PHLPP1: variants seen among roughly 807,000 people sequenced by gnomAD.
PHLPP1 encodes the protein PH domain and leucine rich repeat protein phosphatase 1, also known as PH domain leucine-rich repeat-containing protein phosphatase 1.
PHLPP1 carries 42 observed loss-of-function variants against 117.2 expected under a neutral mutation model. The ratio of observed to expected loss-of-function variants is 0.36; its 90% CI spans 0.28 to 0.46. PHLPP1 has a LOEUF of 0.46. PHLPP1 is among the 20% of genes least tolerant of loss of function. The pLI is 1.00. For synonymous variants in PHLPP1, 1,042 were observed against 970.7 expected (o/e 1.07, Z -1.37); for missense variants, 2,084 against 2,241.9 (o/e 0.93, Z 1.42).
intron 1 of PHLPP1, among the ~76,000 whole-genome samples, chr18:62,793,042 G>A (rs1913510078): frequency 1.3e-5 from 2 of 152,016 alleles, no homozygotes; most frequent in African/African-American, 2.4e-5. Context: ...GGGCATGGTG[G>A]TGCATGCCTG....
At chr18:62,954,087 C>G (rs542844228) in intron 12 of PHLPP1, among the ~76,000 whole-genome samples, 32 of 152,278 alleles carry the variant, frequency 2.1e-4, no homozygotes, top group African/African-American at 7.5e-4. Context: ...ATTTCTTTTT[C>G]TTTAAGATAT....
chr18:62,856,553 G>A (rs1915503453), intron 3 of PHLPP1, among the ~76,000 whole-genome samples: 1 of 151,908 alleles, frequency 6.6e-6, no homozygotes, highest in Non-Finnish European at 1.5e-5. Context: ...TCAGCCTCCC[G>A]AGTAGCTGGA....
intron 1 of PHLPP1, among the ~76,000 whole-genome samples, chr18:62,766,102 T>TATATATATATATATATATATATATATAA (rs1491446982): frequency 1.3e-4 from 8 of 60,690 alleles, no homozygotes; most frequent in East Asian, 5.9e-4. Flanking sequence ...TATATATATA[T>TATATATATATATATATATATATATATAA]AAAATATATA....
intron 11 of PHLPP1, among the ~76,000 whole-genome samples, chr18:62,942,432 G>A (rs1003775291): frequency 1.2e-4 from 18 of 152,048 alleles, no homozygotes; most frequent in African/African-American, 4.1e-4. Context: ...TGTAAACCAG[G>A]AACCTGAAAA....
chr18:62,969,922 G>A (rs566677610), intron 14 of PHLPP1, among the ~76,000 whole-genome samples: 2 of 152,064 alleles, frequency 1.3e-5, no homozygotes, highest in South Asian at 2.1e-4. Context: ...TGAATTTTTT[G>A]TCTTTTCGGT....
chr18:62,960,777 C>A (rs1197711532), intron 13 of PHLPP1, among the ~76,000 whole-genome samples: 1 of 152,164 alleles, frequency 6.6e-6, no homozygotes, highest in Non-Finnish European at 1.5e-5. Flanking sequence ...TTAAAATATT[C>A]ACTTACTCAG....
chr18:62,912,916 C>T lies in PHLPP1; in HGVS notation c.2709-1997C>T, dbSNP rs139289728. On this transcript the variant is annotated intron_variant, in intron 8 of 16. Transcript: ENST00000262719. The stretch of plus-strand genomic sequence containing the variant: ...GATTATAGGCATGAACCACCATGCC[C>T]GGCCCAGATGTATTTTCAAGAATTA... 3.2e-3 allele frequency among the ~76,000 whole-genome samples: 488 copies of T among 152,294 alleles called. 7 individuals are homozygous for T. The highest frequency in any genetic ancestry group is 0.029 in the Admixed American group (436 of 15,298).
At chr18:62,920,183 T>C (rs1172420147) in intron 10 of PHLPP1, 69 bp downstream of exon 10, 2 of 1,393,376 alleles carry the variant, frequency 1.4e-6, no homozygotes, top group Admixed American at 3.7e-5. Flanking sequence ...TTGTCTTTCG[T>C]GACCTGAGAC....
chr18:62,972,914 T>C (rs1202780968), intron 15 of PHLPP1, among the ~76,000 whole-genome samples: 1 of 152,228 alleles, frequency 6.6e-6, no homozygotes, highest in Non-Finnish European at 1.5e-5. Context: ...GACAACTTTG[T>C]AGAAGGCTCA....
intron 4 of PHLPP1, among the ~76,000 whole-genome samples, chr18:62,867,578 T>A (rs1384078098): frequency 2.0e-5 from 3 of 152,240 alleles, no homozygotes; most frequent in Non-Finnish European, 4.4e-5. Context: ...TTGTAAGCTT[T>A]CTGACGGAAT....
At chr18:62,840,519 AT>A (rs1290146288) in intron 3 of PHLPP1, among the ~76,000 whole-genome samples, 1 of 152,194 alleles carries the variant, frequency 6.6e-6, no homozygotes, top group Non-Finnish European at 1.5e-5. Flanking sequence ...GGGCTTTTAT[AT>A]TTATAATTTA....
chr18:62,745,549 A>G (rs1911650786), intron 1 of PHLPP1, among the ~76,000 whole-genome samples: 1 of 152,164 alleles, frequency 6.6e-6, no homozygotes, highest in South Asian at 2.1e-4. Context: ...CATTGAGAGC[A>G]TGTGGGTGCC....
At chr18:62,735,728 A>G (rs1259207152) in intron 1 of PHLPP1, among the ~76,000 whole-genome samples, 1 of 152,206 alleles carries the variant, frequency 6.6e-6, no homozygotes, top group Non-Finnish European at 1.5e-5. Flanking sequence ...TTAGGGTACT[A>G]TCACAGGCAC....
At chr18:62,878,212 G>A (rs778065264) in intron 4 of PHLPP1, among the ~76,000 whole-genome samples, 3 of 152,194 alleles carry the variant, frequency 2.0e-5, no homozygotes, top group Non-Finnish European at 4.4e-5. Flanking sequence ...ATAGTAATAA[G>A]TATAGAGTAA....
intron 10 of PHLPP1, among the ~76,000 whole-genome samples, chr18:62,921,152 T>C (rs1285975260): frequency 6.6e-6 from 1 of 152,238 alleles, no homozygotes; most frequent in Non-Finnish European, 1.5e-5. Context: ...ATGTGCATCA[T>C]TCTCAAGTGT....
chr18:62,809,555 A>T (rs1422096868), intron 1 of PHLPP1, among the ~76,000 whole-genome samples: 1 of 152,150 alleles, frequency 6.6e-6, no homozygotes, highest in Non-Finnish European at 1.5e-5. Flanking sequence ...GAAAAAAATT[A>T]GCTGGGCGTG....
At chr18:62,931,999 C>T (rs1421532021) in intron 10 of PHLPP1, among the ~76,000 whole-genome samples, 1 of 151,416 alleles carries the variant, frequency 6.6e-6, no homozygotes. Context: ...TATCTCTACA[C>T]ACACAAAGTA....
chr18:62,752,593 T>C (rs1477846977), intron 1 of PHLPP1, among the ~76,000 whole-genome samples: 2 of 150,974 alleles, frequency 1.3e-5, no homozygotes, highest in African/African-American at 4.9e-5. Flanking sequence ...GTAGATGGAT[T>C]CTTGAGAATA....
chr18:62,940,510 G>A (rs1394991033), intron 10 of PHLPP1, among the ~76,000 whole-genome samples: 3 of 151,324 alleles, frequency 2.0e-5, no homozygotes, highest in South Asian at 2.1e-4. Flanking sequence ...GACTGCAGGC[G>A]CCCGCCACCA....
Sources: gnomAD v4.1 joint callset for allele counts (sites outside exome capture counted in the v4.1 genomes callset) on GRCh38, gnomAD v4.1.1 for gene constraint, MANE v1.5 for transcripts, NCBI Gene and HGNC (gene_info 2026-07-23, HGNC 2026-07-21) for gene names.